PTPRK: variants seen among roughly 807,000 people sequenced by gnomAD.
The protein encoded by PTPRK is receptor-type tyrosine-protein phosphatase kappa.
In PTPRK, 75 loss-of-function variants were observed where a neutral mutation model predicts 178.0. The ratio of observed to expected loss-of-function variants is 0.42; its 90% CI spans 0.35 to 0.51. The LOEUF (loss-of-function observed/expected upper bound fraction) is 0.51. Among genes scored for constraint, PTPRK ranks in the 20% least tolerant of loss-of-function variants. The pLI is 0.02. For synonymous variants in PTPRK, 637 were observed against 620.6 expected, an observed-to-expected ratio of 1.03 and a Z score of -0.39; for missense variants, 1,441 against 1,797.8, an observed-to-expected ratio of 0.80 and a Z score of 3.59.
intron 1 of PTPRK, among the ~76,000 whole-genome samples, chr6:128,454,259 T>A (rs1562554902): frequency 6.6e-6 from 1 of 152,140 alleles, no homozygotes; most frequent in African/African-American, 2.4e-5. Flanking sequence ...AAATTTCTTT[T>A]GTTGATCAGC....
chr6:128,511,643 G>GA (rs542898227), intron 1 of PTPRK, among the ~76,000 whole-genome samples: 399 of 152,274 alleles, frequency 2.6e-3, no homozygotes, highest in Non-Finnish European at 4.2e-3. Context: ...AGCTCCACCT[G>GA]AACTGTAGTT....
intron 7 of PTPRK, among the ~76,000 whole-genome samples, chr6:128,164,043 T>C (rs925848354): frequency 2.0e-5 from 3 of 151,476 alleles, no homozygotes; most frequent in East Asian, 3.9e-4. Context: ...CTCCATTATC[T>C]TCCTTTGACA....
intron 1 of PTPRK, among the ~76,000 whole-genome samples, chr6:128,481,318 T>C (rs1240141109): frequency 1.3e-5 from 2 of 152,220 alleles, no homozygotes; most frequent in Non-Finnish European, 2.9e-5. Flanking sequence ...ATTTAGAATA[T>C]GAAATTCTAT....
intron 21 of PTPRK, 135 bp from the exon 22 acceptor site, chr6:127,986,010 T>TAAA (rs34209700): frequency 1.5e-5 from 9 of 611,098 alleles, no homozygotes; most frequent in African/African-American, 7.6e-5. Context: ...TGCCTTTTCT[T>TAAA]AAAAAAAAAA....
At chr6:128,468,379 A>G (rs1425615777) in intron 1 of PTPRK, among the ~76,000 whole-genome samples, 1 of 152,184 alleles carries the variant, frequency 6.6e-6, no homozygotes, top group African/African-American at 2.4e-5. Context: ...TCAAGTTTTT[A>G]GTTAAATAAA....
At chr6:128,359,766 A>AAT (rs1026642629) in intron 2 of PTPRK, among the ~76,000 whole-genome samples, 3 of 152,008 alleles carry the variant, frequency 2.0e-5, no homozygotes, top group African/African-American at 7.2e-5. Context: ...AATAAAAAAA[A>AAT]AATAATAAAA....
At chr6:128,276,025 TA>T (rs554970660) in intron 3 of PTPRK, among the ~76,000 whole-genome samples, 136 of 152,056 alleles carry the variant, frequency 8.9e-4, no homozygotes, top group Non-Finnish European at 1.5e-3. Context: ...ATGTAAACTT[TA>T]AAAAAAATTT....
intron 7 of PTPRK, among the ~76,000 whole-genome samples, chr6:128,145,868 T>C (rs1336952244): frequency 1.3e-5 from 2 of 152,230 alleles, no homozygotes; most frequent in East Asian, 1.9e-4. Flanking sequence ...TATTAACTGA[T>C]TTTTATCAAA....
chr6:128,038,044 C>T (rs1188024421), intron 13 of PTPRK, among the ~76,000 whole-genome samples: 1 of 152,092 alleles, frequency 6.6e-6, no homozygotes, highest in Admixed American at 6.5e-5. Context: ...TGTTTCACAG[C>T]AATGTGAGAA....
chr6:128,359,059 T>C (rs1834348100), intron 2 of PTPRK, among the ~76,000 whole-genome samples: 1 of 152,236 alleles, frequency 6.6e-6, no homozygotes, highest in Non-Finnish European at 1.5e-5. Flanking sequence ...TTGCCCTTGC[T>C]TTCACTAAGA....
intron 7 of PTPRK, among the ~76,000 whole-genome samples, chr6:128,180,446 G>A (rs1015571317): frequency 6.6e-6 from 1 of 152,002 alleles, no homozygotes; most frequent in Non-Finnish European, 1.5e-5. Flanking sequence ...AAGTAACAGC[G>A]AAATAATCAT....
At chr6:128,092,910 G>A (rs1231274436) in intron 7 of PTPRK, among the ~76,000 whole-genome samples, 1 of 151,980 alleles carries the variant, frequency 6.6e-6, no homozygotes, top group East Asian at 1.9e-4. Context: ...TAGAATAACC[G>A]AAAGCAAAAA....
At chr6:128,433,886 T>A (rs1178101725) in intron 1 of PTPRK, among the ~76,000 whole-genome samples, 1 of 149,412 alleles carries the variant, frequency 6.7e-6, no homozygotes, top group East Asian at 2.0e-4. Flanking sequence ...ACTAAGAAGA[T>A]ACTTGAGCAC....
At chr6:127,982,792 G>T in intron 24 of PTPRK, 39 bp downstream of exon 24, 1 of 1,561,430 alleles carries the variant, frequency 6.4e-7, no homozygotes, top group East Asian at 2.3e-5. Flanking sequence ...AGAACAAATT[G>T]TAGTAAGTCA....
intron 1 of PTPRK, among the ~76,000 whole-genome samples, chr6:128,421,867 T>C (rs933794110): frequency 6.6e-6 from 1 of 152,220 alleles, no homozygotes; most frequent in African/African-American, 2.4e-5. Flanking sequence ...TTCGTTAATG[T>C]TTTGGTTTGG....
chr6:128,077,446 T>C (rs1305132933), intron 11 of PTPRK, among the ~76,000 whole-genome samples: 2 of 152,058 alleles, frequency 1.3e-5, no homozygotes, highest in African/African-American at 4.8e-5. Flanking sequence ...GTTCCCTTTA[T>C]GATTTGTATT....
At chr6:128,208,455 C>G (rs1360343561) in intron 6 of PTPRK, among the ~76,000 whole-genome samples, 1 of 151,976 alleles carries the variant, frequency 6.6e-6, no homozygotes, top group Non-Finnish European at 1.5e-5. Flanking sequence ...AAAAGTTTTA[C>G]AAAGAAGAGG....
chr6:128,275,239 T>C (rs1207254651), intron 3 of PTPRK, among the ~76,000 whole-genome samples: 2 of 152,056 alleles, frequency 1.3e-5, no homozygotes, highest in Non-Finnish European at 1.5e-5. Context: ...GGATTTGAAC[T>C]CAAAGGATTC....
intron 2 of PTPRK, among the ~76,000 whole-genome samples, chr6:128,344,548 G>A (rs746592854): frequency 2.0e-5 from 3 of 150,938 alleles, no homozygotes; most frequent in Non-Finnish European, 2.9e-5. Flanking sequence ...TTTTTTAAAG[G>A]TCTCCCTCTG....
Sources: gnomAD v4.1 joint callset for allele counts (sites outside exome capture counted in the v4.1 genomes callset) on GRCh38, gnomAD v4.1.1 for gene constraint, MANE v1.5 for transcripts, NCBI Gene and HGNC (gene_info 2026-07-23, HGNC 2026-07-21) for gene names.